Variants in CELF2 observed in about 807,000 individuals in gnomAD.
CELF2 encodes CUG triplet repeat RNA-binding protein 2.
Under a neutral mutation model 62.6 loss-of-function variants are expected in CELF2, and 8 were observed. That is an observed-to-expected ratio of 0.13 (90% confidence interval 0.07 to 0.23). The LOEUF (loss-of-function observed/expected upper bound fraction) is 0.23. Among genes scored for constraint, CELF2 ranks in the 10% least tolerant of loss-of-function variants. The pLI, the probability that CELF2 is intolerant of heterozygous loss-of-function variation, is 1.00. For missense variants in CELF2, 333 were observed against 671.0 expected (o/e 0.50, Z 5.56); for synonymous variants, 258 against 250.0 (o/e 1.03, Z -0.30).
chr10:10,599,801 G>A, the CELF2 span, among the ~76,000 whole-genome samples: 1 of 144,334 alleles, frequency 6.9e-6, no homozygotes, highest in Non-Finnish European at 1.5e-5. Context: ...GCACGATCTC[G>A]GCTCACTGCA....
At chr10:10,595,853 G>A in the CELF2 span, among the ~76,000 whole-genome samples, 24 of 152,118 alleles carry the variant, frequency 1.6e-4, no homozygotes, top group Non-Finnish European at 3.1e-4. Flanking sequence ...GTGAGATGGC[G>A]CCACTGCACT....
chr10:11,239,598 G>C (rs1277587722), intron 3 of CELF2, among the ~76,000 whole-genome samples: 1 of 152,188 alleles, frequency 6.6e-6, no homozygotes, highest in African/African-American at 2.4e-5. Flanking sequence ...ATGGCTATCA[G>C]GAAAAAGTTG....
intron 1 of CELF2, among the ~76,000 whole-genome samples, chr10:10,858,811 C>G (rs891212051): frequency 1.3e-5 from 2 of 151,000 alleles, no homozygotes; most frequent in African/African-American, 4.9e-5. Flanking sequence ...ATTTAAATAA[C>G]ATTATTCCTT....
At chr10:11,216,582 A>C (rs1482891787) in intron 2 of CELF2, among the ~76,000 whole-genome samples, 1 of 152,194 alleles carries the variant, frequency 6.6e-6, no homozygotes, top group East Asian at 1.9e-4. Flanking sequence ...CTTTATCTAC[A>C]AGTTGAAGAA....
At chr10:10,844,402 T>G (rs2058881601) in intron 1 of CELF2, among the ~76,000 whole-genome samples, 1 of 152,208 alleles carries the variant, frequency 6.6e-6, no homozygotes, top group Admixed American at 6.6e-5. Flanking sequence ...AAACAGTGAT[T>G]CTTTTGCTGC....
intron 1 of CELF2, among the ~76,000 whole-genome samples, chr10:10,833,039 G>C (rs2058004689): frequency 6.6e-6 from 1 of 151,804 alleles, no homozygotes; most frequent in Non-Finnish European, 1.5e-5. Context: ...GTGTGTGTGT[G>C]TGTGTGTGTG....
intron 2 of CELF2, among the ~76,000 whole-genome samples, chr10:10,959,434 A>G (rs1448502153): frequency 1.3e-5 from 2 of 152,356 alleles, no homozygotes; most frequent in South Asian, 2.1e-4. Context: ...CAGACTGATC[A>G]TCTTCCACAA....
the CELF2 span, among the ~76,000 whole-genome samples, chr10:10,742,043 C>T: frequency 6.6e-6 from 1 of 152,086 alleles, no homozygotes; most frequent in African/African-American, 2.4e-5. Context: ...TCTAATACTA[C>T]CATTATTTAT....
intron 2 of CELF2, among the ~76,000 whole-genome samples, chr10:11,181,699 C>T (rs780332259): frequency 5.3e-5 from 8 of 152,340 alleles, no homozygotes; most frequent in African/African-American, 1.2e-4. Flanking sequence ...CAGTTGCATA[C>T]GCATTTGTCA....
chr10:11,000,991 G>T (rs1020854538), upstream of CELF2, among the ~76,000 whole-genome samples: 24 of 152,338 alleles, frequency 1.6e-4, no homozygotes, highest in African/African-American at 5.3e-4. Flanking sequence ...ATTGGGGTCA[G>T]AGGAGCTTTG....
At chr10:11,189,378 A>AT (rs895573456) in intron 2 of CELF2, among the ~76,000 whole-genome samples, 6 of 151,986 alleles carry the variant, frequency 3.9e-5, no homozygotes, top group Non-Finnish European at 7.4e-5. Flanking sequence ...TTGGATCTTA[A>AT]TTTTTTTTGA....
At chr10:11,149,937 A>G (rs544792125) in intron 1 of CELF2, among the ~76,000 whole-genome samples, 12 of 152,234 alleles carry the variant, frequency 7.9e-5, no homozygotes, top group South Asian at 4.1e-4. Context: ...CCGTGATTCT[A>G]TGGACACAGA....
At chr10:11,257,552 A>G in intron 4 of CELF2, 186 bp from the exon 5 acceptor site, 1 of 576,370 alleles carries the variant, frequency 1.7e-6, no homozygotes, top group Non-Finnish European at 3.1e-6. Context: ...AGGAAGCACC[A>G]GGTGGGAGGG....
intron 1 of CELF2, among the ~76,000 whole-genome samples, chr10:11,050,069 T>G (rs996332957): frequency 1.3e-5 from 2 of 152,194 alleles, no homozygotes; most frequent in Non-Finnish European, 2.9e-5. Context: ...TTCATCAGGA[T>G]GTGTGGCTCA....
intron 2 of CELF2, among the ~76,000 whole-genome samples, chr10:11,212,471 A>G (rs1315552039): frequency 2.0e-5 from 3 of 152,256 alleles, no homozygotes; most frequent in Non-Finnish European, 4.4e-5. Flanking sequence ...GTGATGTGTT[A>G]GTGGCCAGTA....
At chr10:11,081,187 G>T (rs1327146136) in intron 1 of CELF2, among the ~76,000 whole-genome samples, 1 of 152,312 alleles carries the variant, frequency 6.6e-6, no homozygotes, top group East Asian at 1.9e-4. Flanking sequence ...TTTATAAAAT[G>T]GGACATGTTC....
chr10:11,086,596 A>C lies in CELF2; in HGVS notation c.74+68433A>C, dbSNP rs1352628501. Among the ~76,000 whole-genome samples, 144 of 148,238 alleles carry C rather than the reference A, an allele frequency of 9.7e-4. 2 individuals carry two copies. The highest frequency in any genetic ancestry group is 3.4e-3 in the African/African-American group (138 of 40,350). On this transcript the variant is annotated intron_variant, in intron 1 of 12. Coordinates refer to ENST00000633077, the MANE Select transcript of CELF2 (RefSeq NM_001326342.2). ...CATTTGTTAAAAAAAAAAAAAAAAAAAAAAAAAAAAAAAACTCCCGACAGC... is the reference window on the plus strand; with the variant it reads ...CATTTGTTAAAAAAAAAAAAAAAAACAAAAAAAAAAAAAACTCCCGACAGC...
chr10:10,708,694 G>A, the CELF2 span, among the ~76,000 whole-genome samples: 1 of 152,082 alleles, frequency 6.6e-6, no homozygotes, highest in Non-Finnish European at 1.5e-5. Context: ...CTCATGGTGA[G>A]ATCTTGCCTT....
rs558698881 is a variant in CELF2 at position 11,109,716 on chromosome 10, T to C, written c.75-55770T>C. Among the ~76,000 whole-genome samples, 12 of 152,262 alleles carry C rather than the reference T, an allele frequency of 7.9e-5. No homozygotes were observed. In the East Asian group the frequency reaches 1.9e-3, roughly 24 times the overall value. On this transcript the variant is annotated intron_variant, in intron 1 of 12. Transcript: ENST00000633077. ...CACAATCTATTCCTGCCTATGAAAGTTTTGTGAGTTTCTCCTTACTTCTCT... is the reference window on the plus strand; with the variant it reads ...CACAATCTATTCCTGCCTATGAAAGCTTTGTGAGTTTCTCCTTACTTCTCT...
Sources: gnomAD v4.1 joint callset for allele counts (sites outside exome capture counted in the v4.1 genomes callset) on GRCh38, gnomAD v4.1.1 for gene constraint, MANE v1.5 for transcripts, NCBI Gene and HGNC (gene_info 2026-07-23, HGNC 2026-07-21) for gene names.